KALRN: variants seen among roughly 807,000 people sequenced by gnomAD.
KALRN encodes kalirin RhoGEF kinase, also known as kalirin.
KALRN carries 70 observed loss-of-function variants against 353.7 expected under a neutral mutation model. That is an observed-to-expected ratio of 0.20 (90% CI 0.16 to 0.24). The LOEUF is 0.24. Among genes scored for constraint, KALRN ranks in the 10% least tolerant of loss-of-function variants. The probability of loss-of-function intolerance (pLI) is 1.00; values close to 1 mark genes in which losing one functional copy is unlikely to be tolerated. For missense variants in KALRN, 2,791 were observed against 3,756.7 expected (o/e 0.74, Z 6.72); for synonymous variants, 1,391 against 1,434.8 (o/e 0.97, Z 0.69).
intron 14 of KALRN, among the ~76,000 whole-genome samples, chr3:124,422,383 T>C (rs1234566395): frequency 6.7e-6 from 1 of 148,462 alleles, no homozygotes; most frequent in Non-Finnish European, 1.5e-5. Flanking sequence ...TCTGACCAGC[T>C]AAAAAAAAAA....
intron 34 of KALRN, among the ~76,000 whole-genome samples, chr3:124,583,250 C>T (rs2074800037): frequency 6.6e-6 from 1 of 152,172 alleles, no homozygotes; most frequent in South Asian, 2.1e-4. Context: ...CCACAAACTT[C>T]CCTTTTTTCT....
intron 25 of KALRN, among the ~76,000 whole-genome samples, chr3:124,465,556 A>G (rs1389218982): frequency 6.6e-6 from 1 of 152,134 alleles, no homozygotes; most frequent in Non-Finnish European, 1.5e-5. Context: ...AAAATAACTT[A>G]ATTTCTACAT....
At chr3:124,617,718 G>A (rs2078776301) in intron 34 of KALRN, among the ~76,000 whole-genome samples, 1 of 152,116 alleles carries the variant, frequency 6.6e-6, no homozygotes, top group Non-Finnish European at 1.5e-5. Context: ...ACTAGCTCTG[G>A]AGTAGGGCCC....
chr3:124,218,093 G>T (rs2077522194), intron 1 of KALRN, among the ~76,000 whole-genome samples: 1 of 152,164 alleles, frequency 6.6e-6, no homozygotes, highest in South Asian at 2.1e-4. Context: ...GTCAGCCATT[G>T]CTACTTTACT....
chr3:124,640,597 A>G (rs945734900), intron 37 of KALRN, among the ~76,000 whole-genome samples: 2 of 152,062 alleles, frequency 1.3e-5, no homozygotes, highest in Non-Finnish European at 2.9e-5. Context: ...GCATTCTATT[A>G]TTCTATTCTA....
intron 33 of KALRN, among the ~76,000 whole-genome samples, chr3:124,514,463 C>T (rs2066313580): frequency 6.6e-6 from 1 of 152,186 alleles, no homozygotes; most frequent in Admixed American, 6.5e-5. Context: ...GCAAGCCATC[C>T]AGAGGTTAAG....
At chr3:124,574,626 G>A (rs1049773547) in intron 34 of KALRN, among the ~76,000 whole-genome samples, 2 of 152,228 alleles carry the variant, frequency 1.3e-5, no homozygotes, top group African/African-American at 2.4e-5. Flanking sequence ...AGATGATAGA[G>A]AGGAGGTTAC....
intron 1 of KALRN, among the ~76,000 whole-genome samples, chr3:124,202,737 G>A (rs541382149): frequency 6.6e-6 from 1 of 152,050 alleles, no homozygotes; most frequent in Admixed American, 6.6e-5. Context: ...TACAATGGGG[G>A]CCCTTCCACC....
At chr3:124,704,427 A>G (rs2150714686) in intron 57 of KALRN, among the ~76,000 whole-genome samples, 1 of 152,360 alleles carries the variant, frequency 6.6e-6, no homozygotes, top group African/African-American at 2.4e-5. Context: ...TTTGTTTTAA[A>G]GTCTCTAACA....
At chr3:124,211,019 T>TATAA (rs2076854544) in intron 1 of KALRN, among the ~76,000 whole-genome samples, 1 of 152,210 alleles carries the variant, frequency 6.6e-6, no homozygotes, top group African/African-American at 2.4e-5. Flanking sequence ...ATGTCTACAA[T>TATAA]TTCAGGAGCT....
chr3:124,664,368 T>TGCGC (rs1347109561), intron 45 of KALRN, among the ~76,000 whole-genome samples: 6,847 of 131,880 alleles, frequency 0.052, 176 homozygotes, highest in African/African-American at 0.07. Context: ...TGTGTGTGTG[T>TGCGC]GTGCGCGCGC....
intron 1 of KALRN, among the ~76,000 whole-genome samples, chr3:124,118,941 A>G (rs1388762271): frequency 1.3e-5 from 2 of 152,188 alleles, no homozygotes; most frequent in African/African-American, 2.4e-5. Context: ...CTGTATGTCC[A>G]TGGAGTAGTG....
chr3:124,724,838 G>A lies in KALRN; in HGVS notation c.*5368G>A, dbSNP rs1407330743. On this transcript the variant is annotated 3_prime_UTR_variant, in exon 60 of 60. Transcript: ENST00000682506. Reference sequence around the variant, plus strand: ...TCTAAGACAACTTTTCGTCTTTGAGGGACATTATGATAAGCCTGAAATTAA... The same window carrying A: ...TCTAAGACAACTTTTCGTCTTTGAGAGACATTATGATAAGCCTGAAATTAA... 2 of 152,128 alleles carry A rather than the reference G, an allele frequency of 1.3e-5. No homozygotes were observed. The highest frequency in any genetic ancestry group is 1.3e-4 in the Admixed American group (2 of 15,278). The allele number at this position is 152,128 out of a possible 1,614,324, so 9.4% of individuals were successfully genotyped here.
intron 34 of KALRN, among the ~76,000 whole-genome samples, chr3:124,601,878 T>C (rs57309284): frequency 0.12 from 16,757 of 143,624 alleles, 2,095 homozygotes; most frequent in East Asian, 0.43. Context: ...AAAAAAAAAA[T>C]AGCTGGGTTT....
rs756674586 is a variant in KALRN at position 124,430,781 on chromosome 3, ACC to A, written c.2829+8_2829+9del. 1.3e-5 allele frequency: 21 copies of A among 1,613,290 alleles called. No individual in the cohort carries two copies. Among genetic ancestry groups the A allele is most frequent in the Non-Finnish European group, 1.7e-5 (20 of 1,179,762 alleles). On this transcript the variant is annotated splice_region_variant and intron_variant, in intron 16 of 59. Coordinates refer to ENST00000682506, the MANE Select transcript of KALRN (RefSeq NM_001388419.1). Reference sequence around the variant, plus strand: ...AGTTCCAACTGGCCATCGAGGTAACACCCAAATCTGGCTGCACTGTCCTCCCT... The same window carrying A: ...AGTTCCAACTGGCCATCGAGGTAACACAAATCTGGCTGCACTGTCCTCCCT...
intron 9 of KALRN, among the ~76,000 whole-genome samples, chr3:124,346,233 T>C (rs138320905): frequency 1.3e-5 from 2 of 152,222 alleles, no homozygotes; most frequent in East Asian, 1.9e-4. Flanking sequence ...GAATGCAAAA[T>C]GGGTATTAAA....
chr3:124,120,709 AAAATATATATATAT>A (rs1304763124), intron 1 of KALRN, among the ~76,000 whole-genome samples: 1,230 of 112,714 alleles, frequency 0.011, 49 homozygotes, highest in African/African-American at 0.032. Flanking sequence ...AGGAATACTA[AAAATATATATATAT>A]ATATATATAT....
rs1319144831 is a variant in KALRN, at chr3:124,492,910, G to A, written c.4832+28G>A. 3 of 1,607,466 alleles carry A rather than the reference G, an allele frequency of 1.9e-6. No homozygotes were observed. In the African/African-American group the frequency reaches 4.0e-5, roughly 21 times the overall value. On this transcript the variant is annotated intron_variant, in intron 32 of 59. Coordinates refer to ENST00000682506, the MANE Select transcript of KALRN (RefSeq NM_001388419.1). ...AACCAGCACCTCTCCCTCCAGCACT[G>A]CCTGCCTCACAGGCTTCCGGGTGCG...
intron 10 of KALRN, among the ~76,000 whole-genome samples, chr3:124,359,533 A>G (rs2083788697): frequency 6.6e-6 from 1 of 152,182 alleles, no homozygotes; most frequent in African/African-American, 2.4e-5. Flanking sequence ...CATATGATAT[A>G]GTGAAGAAAA....
Sources: allele counts gnomAD v4.1 joint callset (sites outside exome capture counted in the v4.1 genomes callset), GRCh38; gene constraint gnomAD v4.1.1; transcripts MANE v1.5; gene names NCBI Gene and HGNC (gene_info 2026-07-23, HGNC 2026-07-21).